Variants in EYA2 observed in about 807,000 individuals in gnomAD.
EYA2 encodes the protein EYA transcriptional coactivator and phosphatase 2, also known as protein phosphatase EYA2.
A neutral mutation model predicts 69.2 loss-of-function variants in EYA2; 31 were observed. The observed-to-expected ratio is 0.45, with a 90% CI of 0.34 to 0.60. EYA2 has a LOEUF of 0.60. EYA2 is among the 20% of genes least tolerant of loss of function. The probability of loss-of-function intolerance (pLI) is 0.02; values close to 1 mark genes in which losing one functional copy is unlikely to be tolerated. For missense variants in EYA2, 622 were observed against 701.2 expected, an observed-to-expected ratio of 0.89 and a Z score of 1.28; for synonymous variants, 257 against 279.4, an observed-to-expected ratio of 0.92 and a Z score of 0.80.
In EYA2 at chr20:46,966,087, G is replaced by C. The variant is rs924490319; in HGVS notation, c.-10-23914G>C. On this transcript the variant is annotated intron_variant, in intron 1 of 15. Transcript: ENST00000327619. ...TTAAAATGCAGCATGAGTATAAACT[G>C]TTCTTAACAACCAGGATATGAACGA... Among the ~76,000 whole-genome samples the C allele has an allele frequency of 2.6e-5, 4 of 152,214 alleles. No individual in the cohort carries two copies. In the East Asian group the frequency reaches 7.7e-4, roughly 29 times the overall value.
intron 10 of EYA2, among the ~76,000 whole-genome samples, chr20:47,164,286 A>G (rs1007804066): frequency 6.6e-6 from 1 of 152,132 alleles, no homozygotes; most frequent in Non-Finnish European, 1.5e-5. Context: ...ACGGTATTTT[A>G]TTAAGTCCGA....
intron 9 of EYA2, among the ~76,000 whole-genome samples, chr20:47,124,883 A>AAT (rs1435998965): frequency 6.6e-6 from 1 of 151,824 alleles, no homozygotes; most frequent in African/African-American, 2.4e-5. Context: ...ATTAAAAAAA[A>AAT]AAAAATTCTA....
chr20:47,088,976 T>A (rs1568770846), intron 7 of EYA2, among the ~76,000 whole-genome samples: 1 of 152,176 alleles, frequency 6.6e-6, no homozygotes, highest in Non-Finnish European at 1.5e-5. Flanking sequence ...AGCGTTGAAG[T>A]GCTGTGAGAA....
intron 10 of EYA2, chr20:47,161,237 G>C: frequency 1.9e-6 from 1 of 518,872 alleles, no homozygotes; most frequent in South Asian, 1.7e-5. Flanking sequence ...TCTGCACATG[G>C]GGACAATGGA....
intron 10 of EYA2, among the ~76,000 whole-genome samples, chr20:47,152,382 A>AC (rs2033839700): frequency 7.2e-6 from 1 of 139,022 alleles, no homozygotes; most frequent in African/African-American, 2.7e-5. Context: ...AGGGGAGTGT[A>AC]CCTTTTTTTT....
intron 10 of EYA2, among the ~76,000 whole-genome samples, chr20:47,149,298 A>G (rs1428605748): frequency 5.3e-5 from 8 of 152,286 alleles, no homozygotes; most frequent in Non-Finnish European, 8.8e-5. Context: ...AAATAGATAT[A>G]AAGCCAGAAG....
At chr20:47,094,772 C>T (rs746962766) in intron 8 of EYA2, among the ~76,000 whole-genome samples, 5 of 152,206 alleles carry the variant, frequency 3.3e-5, no homozygotes, top group Admixed American at 6.5e-5. Context: ...TAGTGGCTCA[C>T]CATGCCAGCA....
intron 9 of EYA2, among the ~76,000 whole-genome samples, chr20:47,114,276 C>G (rs6122552): frequency 1.2e-4 from 18 of 152,320 alleles, no homozygotes; most frequent in Admixed American, 4.6e-4. Context: ...TTCTGTCCCC[C>G]TTTAAGGGTG....
At chr20:46,942,853 C>T (rs1055210899) in intron 1 of EYA2, among the ~76,000 whole-genome samples, 1 of 152,210 alleles carries the variant, frequency 6.6e-6, no homozygotes, top group Non-Finnish European at 1.5e-5. Context: ...ACAACCTCCT[C>T]CTCCCCGGTT....
intron 1 of EYA2, chr20:46,978,584 T>C: frequency 1.9e-6 from 1 of 534,780 alleles, no homozygotes; most frequent in Non-Finnish European, 3.8e-6. Context: ...CGGAACTCTT[T>C]GCTTTATCTT....
intron 1 of EYA2, among the ~76,000 whole-genome samples, chr20:46,939,942 T>C (rs556713686): frequency 6.6e-6 from 1 of 152,262 alleles, no homozygotes; most frequent in Admixed American, 6.5e-5. Context: ...TAAAATAAGA[T>C]AGGGCATGTT....
intron 8 of EYA2, among the ~76,000 whole-genome samples, chr20:47,095,096 T>A (rs922258377): frequency 9.9e-5 from 15 of 152,026 alleles, no homozygotes; most frequent in African/African-American, 3.6e-4. Flanking sequence ...TTAAGAAACA[T>A]AAAATAACTT....
At chr20:46,942,804 C>T (rs1006582632) in intron 1 of EYA2, among the ~76,000 whole-genome samples, 3 of 152,302 alleles carry the variant, frequency 2.0e-5, no homozygotes, top group South Asian at 2.1e-4. Flanking sequence ...GTCTTGCTGT[C>T]GCCTAGGCTG....
chr20:46,960,611 A>G (rs1189443551), intron 1 of EYA2, among the ~76,000 whole-genome samples: 2 of 152,122 alleles, frequency 1.3e-5, no homozygotes, highest in Non-Finnish European at 2.9e-5. Context: ...GAGGAGGCAA[A>G]CCATGTCTCA....
At chr20:47,073,925 C>T (rs1287383408) in intron 6 of EYA2, among the ~76,000 whole-genome samples, 3 of 152,116 alleles carry the variant, frequency 2.0e-5, no homozygotes, top group Non-Finnish European at 2.9e-5. Flanking sequence ...GCTGCTCTCC[C>T]GCATCTCTCT....
chr20:46,926,231 C>A (rs567205268), intron 1 of EYA2, among the ~76,000 whole-genome samples: 1 of 152,082 alleles, frequency 6.6e-6, no homozygotes, highest in Non-Finnish European at 1.5e-5. Flanking sequence ...GAAATATATA[C>A]GTACACACAT....
At position 47,149,614 on chromosome 20, in the gene EYA2, C is replaced by G. The variant is rs1233420805; in HGVS notation, c.978+6466C>G. 2.0e-5 allele frequency among the ~76,000 whole-genome samples: 3 copies of G among 147,420 alleles called. No individual in the cohort carries two copies. In the Admixed American group the frequency reaches 2.1e-4, roughly 10 times the overall value. On this transcript the variant is annotated intron_variant, in intron 10 of 15. Coordinates refer to ENST00000327619, the MANE Select transcript of EYA2 (RefSeq NM_005244.5). Reference sequence around the variant, plus strand: ...ATCCCAGCACTTTGGGAGGCTGAGACAGTGGATCATTTGCGGTCAGGAGTT... The same window carrying G: ...ATCCCAGCACTTTGGGAGGCTGAGAGAGTGGATCATTTGCGGTCAGGAGTT...
intron 1 of EYA2, among the ~76,000 whole-genome samples, chr20:46,897,639 G>T (rs989759123): frequency 6.6e-6 from 1 of 152,098 alleles, no homozygotes; most frequent in Non-Finnish European, 1.5e-5. Flanking sequence ...TAATAAAATC[G>T]CAGGCCGTAA....
chr20:47,070,331 A>G (rs1470727942), intron 5 of EYA2, among the ~76,000 whole-genome samples: 5 of 152,260 alleles, frequency 3.3e-5, no homozygotes, highest in African/African-American at 7.2e-5. Flanking sequence ...GAGAAATGCT[A>G]CTTAAAACCA....
Sources: allele counts gnomAD v4.1 joint callset (sites outside exome capture counted in the v4.1 genomes callset), GRCh38; gene constraint gnomAD v4.1.1; transcripts MANE v1.5; gene names NCBI Gene and HGNC (gene_info 2026-07-23, HGNC 2026-07-21).